Variants in DDX27 observed in about 807,000 individuals in gnomAD.
DDX27 encodes the protein probable ATP-dependent RNA helicase DDX27.
DDX27 carries 42 observed loss-of-function variants against 99.3 expected under a neutral mutation model. The ratio of observed to expected loss-of-function variants is 0.42; its 90% CI spans 0.33 to 0.55. DDX27 has a LOEUF of 0.55. DDX27 is among the 20% of genes least tolerant of loss of function. The probability of loss-of-function intolerance (pLI) is 0.07; values close to 1 mark genes in which losing one functional copy is unlikely to be tolerated. For missense variants in DDX27, 798 were observed against 976.8 expected (o/e 0.82, Z 2.44); for synonymous variants, 329 against 353.8 (o/e 0.93, Z 0.79).
At chr20:49,239,455 A>C in intron 16 of DDX27, 117 bp downstream of exon 16, 1 of 717,862 alleles carries the variant, frequency 1.4e-6, no homozygotes, top group Non-Finnish European at 2.3e-6. Context: ...GGCACCAAGG[A>C]CCAGTATCGT....
At chr20:49,228,080 C>T (rs933102094) in intron 7 of DDX27, among the ~76,000 whole-genome samples, 2 of 149,600 alleles carry the variant, frequency 1.3e-5, no homozygotes, top group African/African-American at 2.5e-5. Flanking sequence ...ACCTCATGAT[C>T]CACCTGCCTC....
In DDX27 at chr20:49,219,659, G is replaced by A. The variant is rs114676185; in HGVS notation, c.93+118G>A. The A allele has an allele frequency of 5.8e-4, 622 of 1,079,874 alleles. 1 individual carries two copies. The African/African-American group carries it at 7.9e-3, about 14-fold the overall frequency. 66.9% of individuals were successfully genotyped at this position (1,079,874 alleles called of 1,614,324 possible). ...GCCAGCCCCGGAAGTTTCCCGAAAA[G>A]GATCTCACCGGGACCCCAAGATCTT... On this transcript the variant is annotated intron_variant, in intron 1 of 20. Coordinates refer to ENST00000618172, the MANE Select transcript of DDX27 (RefSeq NM_017895.8).
At chr20:49,225,456 T>TG (rs1979849798) in intron 6 of DDX27, among the ~76,000 whole-genome samples, 2 of 144,070 alleles carry the variant, frequency 1.4e-5, no homozygotes, top group Non-Finnish European at 3.1e-5. Context: ...GAACTCCCTT[T>TG]TTTTTTTTTT....
chr20:49,223,484 A>G (rs73113528), intron 4 of DDX27, 51 bp downstream of exon 4: 103,363 of 1,533,234 alleles, frequency 0.067, 4,054 homozygotes, highest in African/African-American at 0.17. Context: ...ATCAGAAGGC[A>G]TCCTCCTTTA....
intron 6 of DDX27, among the ~76,000 whole-genome samples, chr20:49,225,412 G>T (rs1438082702): frequency 6.7e-6 from 1 of 148,834 alleles, no homozygotes; most frequent in Non-Finnish European, 1.5e-5. Context: ...TTCTCTCTTT[G>T]CCTCCCTCAA....
At position 49,226,444 on chromosome 20, in the gene DDX27, G is replaced by C. The variant is rs1052174186; in HGVS notation, c.615G>C (p.Met205Ile). 4 of 1,613,570 alleles carry C rather than the reference G, an allele frequency of 2.5e-6. No individual in the cohort carries two copies. Among genetic ancestry groups the C allele is most frequent in the Non-Finnish European group, 3.4e-6 (4 of 1,179,822 alleles). The change falls in exon 7 of 21, where the codon ATG (methionine) becomes ATC (isoleucine). Residue 205 changes from methionine (M) to isoleucine (I), a missense_variant. Met to Ile is a conservative substitution (Grantham distance 10). Around this residue, in one of 2 missense-constraint regions of DDX27, gnomAD observed 245 missense variants for 248.8 expected, o/e 0.98. Transcript: ENST00000618172. ...SRPLLKAITA[M>I]GFKQPTPIQK... is the part of the protein sequence containing the mutation. ...TTTTTCCTCAGGCCATTACAGCCAT[G>C]GGCTTCAAGCAGCCCACCCCGATCC... is the stretch of plus-strand genomic sequence containing the variant.
At position 49,240,174 on chromosome 20, in the gene DDX27, T is replaced by C. The variant is rs948046018; in HGVS notation, c.1897+836T>C. ...AGATAGTGGTGATGGTTGTACAATG[T>C]TGTGAATGTAAGTAATGCCACTGAA... On this transcript the variant is annotated intron_variant, in intron 16 of 20. Coordinates refer to ENST00000618172, the MANE Select transcript of DDX27 (RefSeq NM_017895.8). 4.6e-5 allele frequency among the ~76,000 whole-genome samples: 7 copies of C among 152,328 alleles called. No individual in the cohort carries two copies. The South Asian group carries it at 1.4e-3, about 32-fold the overall frequency.
At chr20:49,228,628 A>G (rs903175316) in intron 7 of DDX27, 87 bp from the exon 8 acceptor site, 7 of 1,240,096 alleles carry the variant, frequency 5.6e-6, no homozygotes, top group Non-Finnish European at 6.6e-6. Context: ...CCCCAACCAG[A>G]CGTAGTTTTT....
intron 1 of DDX27, among the ~76,000 whole-genome samples, chr20:49,220,258 C>T (rs759056265): frequency 6.6e-6 from 1 of 152,084 alleles, no homozygotes; most frequent in Non-Finnish European, 1.5e-5. Flanking sequence ...GTTTTTTCTT[C>T]CTCACCGCCG....
chr20:49,238,849 A>G (rs1029953587), intron 14 of DDX27, 100 bp from the exon 15 acceptor site: 4 of 792,512 alleles, frequency 5.0e-6, no homozygotes, highest in Non-Finnish European at 8.1e-6. Flanking sequence ...GGCTCAAGCA[A>G]TCCTCCCACC....
Position 49,239,341 on chromosome 20 carries a change from A to C in DDX27, c.1897+3A>C, listed in dbSNP as rs754606707. On this transcript the variant is annotated splice_donor_region_variant and intron_variant, in intron 16 of 20. Transcript: ENST00000618172. Reference sequence around the variant, plus strand: ...AGAAGAGAGGAAGAAGGAGAAAAGTAAGTCAGGGAGGTTCCGCAGAAATCT... The same window carrying C: ...AGAAGAGAGGAAGAAGGAGAAAAGTCAGTCAGGGAGGTTCCGCAGAAATCT... 1.2e-6 allele frequency: 2 copies of C among 1,606,258 alleles called. No individual in the cohort carries two copies. Among genetic ancestry groups the C allele is most frequent in the Non-Finnish European group, 1.7e-6 (2 of 1,174,928 alleles).
Position 49,236,155 on chromosome 20 carries a change from T to A in DDX27, c.1433T>A (p.Phe478Tyr). The stretch of plus-strand genomic sequence containing the variant: ...CTGTTTGTGACTGTTTCTAGGCGTT[T>A]TAAGGATGAACAGATTGACATCCTC... ...QTQRLEALRR[F>Y]KDEQIDILVA... The change falls in exon 13 of 21, where the codon TTT becomes TAT. Residue 478 changes from phenylalanine (F) to tyrosine (Y), a missense_variant. By Grantham distance (22) the Phe-to-Tyr change is conservative. Transcript: ENST00000618172. The surrounding 1 kb of genome is among the most constrained non-coding windows in gnomAD (Gnocchi z 4.1). 1 of 1,610,888 alleles carries A rather than the reference T, an allele frequency of 6.2e-7. No homozygotes were observed. The highest frequency in any genetic ancestry group is 8.5e-7 in the Non-Finnish European group (1 of 1,178,606).
chr20:49,225,024 TGTTG>T, intron 5 of DDX27, 33 bp downstream of exon 5: 1 of 1,613,902 alleles, frequency 6.2e-7, no homozygotes, highest in Non-Finnish European at 8.5e-7. Flanking sequence ...GTATGCAGCT[TGTTG>T]GCAAACCGAA....
chr20:49,243,472 A>T (rs1395842053), intron 19 of DDX27, among the ~76,000 whole-genome samples, 157 bp from the exon 20 acceptor site: 1 of 152,210 alleles, frequency 6.6e-6, no homozygotes, highest in African/African-American at 2.4e-5. Flanking sequence ...GAAACACGTT[A>T]TCAGGTGGAA....
chr20:49,225,541 C>T (rs1268398710), intron 6 of DDX27, among the ~76,000 whole-genome samples: 5 of 151,258 alleles, frequency 3.3e-5, no homozygotes, highest in Non-Finnish European at 5.9e-5. Context: ...CTGCAACCTC[C>T]ACCTCCCGGG....
In DDX27 at chr20:49,225,453, C is replaced by CTTTTTT. The variant is rs772387461; in HGVS notation, c.600+269_600+274dup. Among the ~76,000 whole-genome samples, 5 of 107,266 alleles carry CTTTTTT rather than the reference C, an allele frequency of 4.7e-5. 1 individual carries two copies. The highest frequency in any genetic ancestry group is 5.3e-5 in the Non-Finnish European group (3 of 56,738). The allele number at this position is 107,266 out of a possible 152,430, so 70.4% of individuals were successfully genotyped here. A position where few individuals can be genotyped will look rare whatever the true frequency, so the allele number is the denominator to read the frequency against. On this transcript the variant is annotated intron_variant, in intron 6 of 20. Transcript: ENST00000618172. ...GTCCATACAGTTGCCAGAGAACTCC[C>CTTTTTT]TTTTTTTTTTTTTTTTTTTTGAGAC...
Position 49,239,106 on chromosome 20 carries a change from T to C in DDX27, c.1794+51T>C, listed in dbSNP as rs1336525349. ...TCACAAGGCTGCTCAGTAAGCAAGC[T>C]GCTGCATCCCTGCTGGTGCTGCCCT... On this transcript the variant is annotated intron_variant, in intron 15 of 20. Coordinates refer to ENST00000618172, the MANE Select transcript of DDX27 (RefSeq NM_017895.8). 5 of 1,547,426 alleles carry C rather than the reference T, an allele frequency of 3.2e-6. No homozygotes were observed. The African/African-American group carries it at 5.4e-5, about 17-fold the overall frequency.
Position 49,242,000 on chromosome 20 carries a change from C to T in DDX27, c.1992+13C>T, listed in dbSNP as rs1980491332. Reference sequence around the variant, plus strand: ...GGGGGAGATGACAGTGAGTGGCCTCCCTTTTGGAGTTTGGGCCCACTCGGT... The same window carrying T: ...GGGGGAGATGACAGTGAGTGGCCTCTCTTTTGGAGTTTGGGCCCACTCGGT... On this transcript the variant is annotated intron_variant, in intron 17 of 20. Transcript: ENST00000618172. 6.2e-7 allele frequency: 1 copy of T among 1,613,526 alleles called. No homozygotes were observed.
Position 49,224,989 on chromosome 20 carries a change from C to T in DDX27, c.511C>T (p.Gln171Ter). The part of the protein sequence containing the change: ...KDRKKKKKKG[Q>*]EAGGFFEDAS... ...TCGGAAGAAGAAGAAGAAGAAAGGA[C>T]AGGTGAGCTTGGGGCTGCAAGACAG... The change falls in exon 5 of 21, where the codon CAG (glutamine) becomes TAG (stop). Residue 171 changes from glutamine to a stop codon, truncating the protein, a stop_gained and splice_region_variant. Transcript: ENST00000618172. LOFTEE classifies it high-confidence loss of function. 6.2e-7 allele frequency: 1 copy of T among 1,614,148 alleles called. No individual in the cohort carries two copies. The highest frequency in any genetic ancestry group is 8.5e-7 in the Non-Finnish European group (1 of 1,180,040).
Sources: allele counts gnomAD v4.1 joint callset (sites outside exome capture counted in the v4.1 genomes callset), GRCh38; gene constraint gnomAD v4.1.1; regional missense constraint gnomAD v4.1.1; non-coding constraint Gnocchi (gnomAD v3.1); transcripts MANE v1.5; gene names NCBI Gene and HGNC (gene_info 2026-07-23, HGNC 2026-07-21).